The following LMTK2 variants were observed in gnomAD, a reference collection of about 807,000 sequenced individuals.
The protein encoded by LMTK2 is lemur tail kinase 2.
In LMTK2, 37 loss-of-function variants were observed where a neutral mutation model predicts 127.5. That is an observed-to-expected ratio of 0.29 (90% CI 0.22 to 0.38). The LOEUF (loss-of-function observed/expected upper bound fraction) is 0.38, where lower values mean the gene tolerates loss of function less well. Ranked by LOEUF, LMTK2 falls within the 10% of genes least tolerant of loss-of-function variation. LMTK2 has a pLI of 1.00. For synonymous variants in LMTK2, 819 were observed against 810.1 expected (o/e 1.01, Z -0.19); for missense variants, 1,694 against 1,920.3 (o/e 0.88, Z 2.20).
intron 3 of LMTK2, among the ~76,000 whole-genome samples, chr7:98,147,367 C>A (rs553013299): frequency 9.9e-5 from 15 of 152,062 alleles, no homozygotes; most frequent in African/African-American, 3.4e-4. Context: ...TACAGGTGCA[C>A]GCTACCACTC....
At chr7:98,136,434 A>AG (rs1463752734) in intron 1 of LMTK2, among the ~76,000 whole-genome samples, 1 of 152,236 alleles carries the variant, frequency 6.6e-6, no homozygotes, top group Non-Finnish European at 1.5e-5. Flanking sequence ...AAGGAGAAAC[A>AG]GGCAGTTGCA....
intron 1 of LMTK2, among the ~76,000 whole-genome samples, chr7:98,121,339 G>A (rs905800838): frequency 1.3e-5 from 2 of 152,084 alleles, no homozygotes; most frequent in African/African-American, 4.8e-5. Flanking sequence ...TTGAAAATTA[G>A]GAAACCAAGC....
At chr7:98,131,613 A>G (rs1796521051) in intron 1 of LMTK2, among the ~76,000 whole-genome samples, 1 of 152,162 alleles carries the variant, frequency 6.6e-6, no homozygotes, top group Non-Finnish European at 1.5e-5. Context: ...GTCAGGAGAT[A>G]ATGTCTGTCT....
chr7:98,154,280 G>A (rs1422961987), intron 4 of LMTK2, among the ~76,000 whole-genome samples: 1 of 152,196 alleles, frequency 6.6e-6, no homozygotes, highest in African/African-American at 2.4e-5. Flanking sequence ...AGTGCGATGG[G>A]TGTTTAAGTT....
At chr7:98,159,758 A>C (rs1024030598) in intron 6 of LMTK2, among the ~76,000 whole-genome samples, 35 of 152,170 alleles carry the variant, frequency 2.3e-4, no homozygotes, top group African/African-American at 8.2e-4. Context: ...CCAGAGCCAG[A>C]GCTTGGGTCT....
chr7:98,166,044 C>G (rs2116412039), intron 6 of LMTK2, among the ~76,000 whole-genome samples: 1 of 152,364 alleles, frequency 6.6e-6, no homozygotes, highest in Non-Finnish European at 1.5e-5. Flanking sequence ...ATGGCCTTGG[C>G]CCTCCCCACG....
At chr7:98,172,219 A>G (rs574758658) in intron 7 of LMTK2, among the ~76,000 whole-genome samples, 4 of 151,918 alleles carry the variant, frequency 2.6e-5, no homozygotes, top group Non-Finnish European at 4.4e-5. Context: ...GTGGGTAGTC[A>G]GGGGCTGCTT....
At chr7:98,141,584 CT>C in intron 3 of LMTK2, 43 bp downstream of exon 3, 1 of 1,569,998 alleles carries the variant, frequency 6.4e-7, no homozygotes, top group Non-Finnish European at 8.8e-7. Context: ...TGAATTGTTT[CT>C]GAGATCTGAG....
In LMTK2 at chr7:98,115,539, G is replaced by A. The variant is rs1239198352; in HGVS notation, c.103+8259G>A. On this transcript the variant is annotated intron_variant, in intron 1 of 13. Transcript: ENST00000297293. ...AAGGTTTGGTTTTGGGCCGGGTGCTGTGGCTCACACCTGTAATCTCAGCAC... is the reference window on the plus strand; with the variant it reads ...AAGGTTTGGTTTTGGGCCGGGTGCTATGGCTCACACCTGTAATCTCAGCAC... Among the ~76,000 whole-genome samples, 6 of 152,284 alleles carry A rather than the reference G, an allele frequency of 3.9e-5. No individual in the cohort carries two copies. The East Asian group carries it at 9.6e-4, about 24-fold the overall frequency.
rs1562902860 is a variant in LMTK2, at chr7:98,140,168, T to TGTC, written c.232-1229_232-1228insGTC. ...TTTTCTTTTCTTTTCTTTTCTTTTC[T>TGTC]TTTCTTTCTTTTCTTTCTTCTTTCT... is the stretch of plus-strand genomic sequence containing the variant. On this transcript the variant is annotated intron_variant, in intron 2 of 13. Transcript: ENST00000297293. Among the ~76,000 whole-genome samples the TGTC allele has an allele frequency of 1.4e-3, 26 of 19,006 alleles. 6 individuals carry two copies. Among genetic ancestry groups the TGTC allele is most frequent in the African/African-American group, 6.1e-3 (26 of 4,230 alleles). The allele number at this position is 19,006 out of a possible 152,430, so 12.5% of individuals were successfully genotyped here.
intron 11 of LMTK2, among the ~76,000 whole-genome samples, chr7:98,200,475 G>A (rs1392176101): frequency 6.6e-6 from 1 of 152,222 alleles, no homozygotes; most frequent in Non-Finnish European, 1.5e-5. Flanking sequence ...TCGGGATGTA[G>A]AACCTGTGTA....
chr7:98,192,366 A>G lies in LMTK2; in HGVS notation c.1901A>G (p.Asn634Ser). ...VTSGPESPFN[N>S]IFNDVDKSED... ...AGTGGCCCCGAGAGCCCTTTCAACA[A>G]TATATTTAATGATGTGGACAAATCG... The change falls in exon 11 of 14, where the codon AAT becomes AGT. Residue 634 changes from asparagine (N) to serine (S), a missense_variant. Physicochemically the swap from Asn to Ser is conservative, Grantham distance 46 (BLOSUM62 1). Coordinates refer to ENST00000297293, the MANE Select transcript of LMTK2 (RefSeq NM_014916.4). 1 of 1,596,752 alleles carries G rather than the reference A, an allele frequency of 6.3e-7. No homozygotes were observed. Among genetic ancestry groups the G allele is most frequent in the East Asian group, 2.2e-5 (1 of 44,816 alleles).
At chr7:98,188,298 T>C (rs1000944695) in intron 9 of LMTK2, among the ~76,000 whole-genome samples, 1 of 152,192 alleles carries the variant, frequency 6.6e-6, no homozygotes, top group African/African-American at 2.4e-5. Context: ...ATCGTGAGTC[T>C]GATACTTCTG....
At chr7:98,140,102 C>A (rs552789196) in intron 2 of LMTK2, among the ~76,000 whole-genome samples, 277 of 3,134 alleles carry the variant, frequency 0.088, 27 homozygotes, top group African/African-American at 0.2. Flanking sequence ...TTCTTTCTTT[C>A]TTTCTTTCTT....
At chr7:98,197,813 G>T (rs553004577) in intron 11 of LMTK2, among the ~76,000 whole-genome samples, 3 of 152,326 alleles carry the variant, frequency 2.0e-5, no homozygotes, top group African/African-American at 7.2e-5. Flanking sequence ...CTGCACTGCA[G>T]CCGGGATGGC....
intron 7 of LMTK2, among the ~76,000 whole-genome samples, chr7:98,180,993 G>GC (rs1002494002): frequency 6.6e-6 from 1 of 152,192 alleles, no homozygotes; most frequent in African/African-American, 2.4e-5. Context: ...GGGAATAGGA[G>GC]CTGGGGAGCC....
At position 98,138,812 on chromosome 7, in the gene LMTK2, G is replaced by C. The variant is rs1253340835; in HGVS notation, c.231+1370G>C. Among the ~76,000 whole-genome samples the C allele has an allele frequency of 2.0e-5, 3 of 152,338 alleles. No individual in the cohort carries two copies. In the East Asian group the frequency reaches 5.8e-4, roughly 29 times the overall value. ...TCATGCAAAGCTTTTTGAATCTCAG[G>C]ATTGAATGCGGGAGTTCATTTGAGA... On this transcript the variant is annotated intron_variant, in intron 2 of 13. Coordinates refer to ENST00000297293, the MANE Select transcript of LMTK2 (RefSeq NM_014916.4).
At chr7:98,167,859 G>T (rs564454462) in intron 6 of LMTK2, among the ~76,000 whole-genome samples, 20 of 152,320 alleles carry the variant, frequency 1.3e-4, no homozygotes, top group Admixed American at 6.5e-4. Context: ...CCAGTGGGGG[G>T]GCCGAGGAAG....
Position 98,154,891 on chromosome 7 carries a change from T to C in LMTK2, c.569+15T>C. ...GAACCTTACTAGTAAGTAAACCTTG[T>C]CATGTGTTCTGTAAGACTAGTCTGT... On this transcript the variant is annotated intron_variant, in intron 5 of 13. Transcript: ENST00000297293. 2.8e-6 allele frequency: 4 copies of C among 1,422,222 alleles called. No individual in the cohort carries two copies. The highest frequency in any genetic ancestry group is 3.0e-6 in the Non-Finnish European group (3 of 1,005,048). The allele number at this position is 1,422,222 out of a possible 1,614,324, so 88.1% of individuals were successfully genotyped here.
Sources: allele counts gnomAD v4.1 joint callset (sites outside exome capture counted in the v4.1 genomes callset), GRCh38; gene constraint gnomAD v4.1.1; transcripts MANE v1.5; gene names NCBI Gene and HGNC (gene_info 2026-07-23, HGNC 2026-07-21).